BICRAL: variants seen among roughly 807,000 people sequenced by gnomAD.
The protein encoded by BICRAL is BRD4-interacting chromatin-remodeling complex-associated protein-like.
Under a neutral mutation model 91.8 loss-of-function variants are expected in BICRAL, and 8 were observed. That is an observed-to-expected ratio of 0.09 (90% confidence interval 0.05 to 0.16). The LOEUF (loss-of-function observed/expected upper bound fraction) is 0.16, where lower values mean the gene tolerates loss of function less well. Among genes scored for constraint, BICRAL ranks in the 10% least tolerant of loss-of-function variants. The pLI, the probability that BICRAL is intolerant of heterozygous loss-of-function variation, is 1.00. For missense variants in BICRAL, 1,038 were observed against 1,310.9 expected (o/e 0.79, Z 3.21); for synonymous variants, 445 against 491.1 (o/e 0.91, Z 1.24).
chr6:42,825,408 C>A (rs1764266302), intron 5 of BICRAL, among the ~76,000 whole-genome samples: 7 of 147,372 alleles, frequency 4.7e-5, no homozygotes, highest in Admixed American at 2.7e-4. Context: ...ACTAAAAATA[C>A]AAAAAAATTA....
chr6:42,794,572 A>G (rs947490686), intron 1 of BICRAL, among the ~76,000 whole-genome samples: 2 of 151,986 alleles, frequency 1.3e-5, no homozygotes, highest in Non-Finnish European at 2.9e-5. Context: ...TATATATTTT[A>G]TAAGTACTAA....
intron 8 of BICRAL, among the ~76,000 whole-genome samples, chr6:42,855,397 A>C (rs1269814765): frequency 6.6e-6 from 1 of 152,114 alleles, no homozygotes; most frequent in Non-Finnish European, 1.5e-5. Context: ...CAAAAAATTA[A>C]CAGGCGTGGT....
chr6:42,826,627 T>G (rs1196939034), intron 5 of BICRAL, among the ~76,000 whole-genome samples: 1 of 152,144 alleles, frequency 6.6e-6, no homozygotes, highest in Non-Finnish European at 1.5e-5. Context: ...GATTACTGTG[T>G]TTGAGCCTTA....
intron 6 of BICRAL, among the ~76,000 whole-genome samples, chr6:42,843,401 T>C (rs1764870994): frequency 6.6e-6 from 1 of 152,026 alleles, no homozygotes; most frequent in Non-Finnish European, 1.5e-5. Context: ...GAGTAGGGTG[T>C]TAGGTGGGAA....
At position 42,828,864 on chromosome 6, in the gene BICRAL, T is replaced by G; in HGVS notation, c.531T>G (p.Phe177Leu). ...CGCATGTGCCTGTTGGAGCATCGTT[T>G]GCAAGCAATACAGTGGGTGTACAAC... ...GVTHVPVGAS[F>L]ASNTVGVQHG... The change falls in exon 6 of 13, where the codon TTT becomes TTG. Residue 177 changes from phenylalanine (F) to leucine (L), a missense_variant. By Grantham distance (22) the Phe-to-Leu change is conservative. Transcript: ENST00000314073. 6.2e-7 allele frequency: 1 copy of G among 1,614,210 alleles called. No homozygotes were observed. The highest frequency in any genetic ancestry group is 8.5e-7 in the Non-Finnish European group (1 of 1,180,028).
At chr6:42,831,567 G>C (rs1224660240) in intron 6 of BICRAL, among the ~76,000 whole-genome samples, 2 of 152,040 alleles carry the variant, frequency 1.3e-5, no homozygotes, top group Non-Finnish European at 2.9e-5. Context: ...TCCATCATTT[G>C]GTTCCCACTC....
chr6:42,848,214 T>G (rs954437550), intron 6 of BICRAL, among the ~76,000 whole-genome samples: 1 of 150,826 alleles, frequency 6.6e-6, no homozygotes, highest in Non-Finnish European at 1.5e-5. Flanking sequence ...ATCACACCAC[T>G]GCACTCCAGC....
At position 42,862,531 on chromosome 6, in the gene BICRAL, A is replaced by G. The variant is rs759552948; in HGVS notation, c.2371A>G (p.Met791Val). 2.5e-6 allele frequency: 4 copies of G among 1,609,450 alleles called. No individual in the cohort carries two copies. Among genetic ancestry groups the G allele is most frequent in the South Asian group, 2.2e-5 (2 of 90,972 alleles). ...DAMRINPSAE[M>V]VMIDRMFNQE... ...TCAGCGAATCAATCCCTCTGCTGAG[A>G]TGGTGATGATCGATAGGATGTTCAA... The change falls in exon 12 of 13, where the codon ATG becomes GTG. Residue 791 changes from methionine (M) to valine (V), a missense_variant. This residue lies in a region of BICRAL where 294 missense variants were observed against 292.6 expected (regional missense o/e 1.00). Coordinates refer to ENST00000314073, the MANE Select transcript of BICRAL (RefSeq NM_001393499.1).
chr6:42,786,146 G>T (rs1374820360), intron 1 of BICRAL, among the ~76,000 whole-genome samples: 5 of 152,214 alleles, frequency 3.3e-5, no homozygotes, highest in African/African-American at 1.2e-4. Context: ...CTGGATTAAG[G>T]ATCATGGATT....
chr6:42,782,126 T>C (rs1465880060), intron 1 of BICRAL, 25 bp downstream of exon 1: 2 of 150,238 alleles, frequency 1.3e-5, no homozygotes, highest in East Asian at 1.9e-4. Flanking sequence ...GAGTGTATTA[T>C]AATTTTGTGA....
At chr6:42,838,202 A>G (rs866106297) in intron 6 of BICRAL, among the ~76,000 whole-genome samples, 2 of 152,338 alleles carry the variant, frequency 1.3e-5, no homozygotes, top group Middle Eastern at 3.4e-3. Flanking sequence ...ATTTGGCCTA[A>G]TAACGCCCTT....
chr6:42,862,530 G>C lies in BICRAL; in HGVS notation c.2370G>C (p.Glu790Asp). The change falls in exon 12 of 13, where the codon GAG (glutamate) becomes GAC (aspartate). Residue 790 changes from glutamate (E) to aspartate (D), a missense_variant. Coordinates refer to ENST00000314073, the MANE Select transcript of BICRAL (RefSeq NM_001393499.1). ...EDAMRINPSA[E>D]MVMIDRMFNQ... ...TTCAGCGAATCAATCCCTCTGCTGA[G>C]ATGGTGATGATCGATAGGATGTTCA... 1 of 1,608,826 alleles carries C rather than the reference G, an allele frequency of 6.2e-7. No homozygotes were observed. Among genetic ancestry groups the C allele is most frequent in the South Asian group, 1.1e-5 (1 of 90,966 alleles).
chr6:42,825,425 C>A (rs1378153862), intron 5 of BICRAL, among the ~76,000 whole-genome samples: 1 of 151,480 alleles, frequency 6.6e-6, no homozygotes, highest in Non-Finnish European at 1.5e-5. Context: ...ATTAGCCGGG[C>A]GTTGTGGCGG....
rs1284153870 is a variant in BICRAL, at chr6:42,829,107, G to A, written c.774G>A (p.Gln258=). The A allele has an allele frequency of 2.5e-6, 4 of 1,614,146 alleles. No individual in the cohort carries two copies. In the East Asian group the frequency reaches 8.9e-5, roughly 36 times the overall value. Residue 258 remains glutamine (Q), a synonymous_variant, in exon 6 of 13, where the codon CAG becomes CAA. Coordinates refer to ENST00000314073, the MANE Select transcript of BICRAL (RefSeq NM_001393499.1). ...GTGGAGGGCTCCTGGTTCATAGACA[G>A]ACTCCTAATGGCAACTCCTTGTTTG... ...NVSGGLLVHR[Q]TPNGNSLFGN...
chr6:42,767,776 A>G (rs894076246), intron 1 of BICRAL, among the ~76,000 whole-genome samples: 2 of 152,184 alleles, frequency 1.3e-5, no homozygotes, highest in Non-Finnish European at 2.9e-5. Flanking sequence ...AGGAAGTTCT[A>G]TGGAAGTACA....
At chr6:42,854,276 G>A (rs1001854370) in intron 8 of BICRAL, among the ~76,000 whole-genome samples, 6 of 152,154 alleles carry the variant, frequency 3.9e-5, no homozygotes, top group African/African-American at 1.4e-4. Flanking sequence ...ACAGCTTACT[G>A]CAGCCTTGAC....
At chr6:42,789,270 A>G (rs764722791) in intron 1 of BICRAL, among the ~76,000 whole-genome samples, 2 of 152,210 alleles carry the variant, frequency 1.3e-5, no homozygotes, top group African/African-American at 2.4e-5. Context: ...CAGTAACTCT[A>G]TAGAGAAATA....
chr6:42,769,337 C>T (rs1762685743), intron 1 of BICRAL, among the ~76,000 whole-genome samples: 1 of 152,186 alleles, frequency 6.6e-6, no homozygotes, highest in South Asian at 2.1e-4. Context: ...TGAGTGTCCT[C>T]ATGACATGGC....
At chr6:42,757,904 A>G (rs182996699) in intron 1 of BICRAL, among the ~76,000 whole-genome samples, 1 of 152,352 alleles carries the variant, frequency 6.6e-6, no homozygotes, top group East Asian at 1.9e-4. Flanking sequence ...CCAAGAAGCA[A>G]CTAGAGCTAA....
Sources: allele counts gnomAD v4.1 joint callset (sites outside exome capture counted in the v4.1 genomes callset), GRCh38; gene constraint gnomAD v4.1.1; regional missense constraint gnomAD v4.1.1; transcripts MANE v1.5; gene names NCBI Gene and HGNC (gene_info 2026-07-23, HGNC 2026-07-21).